NRXN3: variants seen among roughly 807,000 people sequenced by gnomAD.
NRXN3 encodes neurexin 3, also known as neurexin III.
Under a neutral mutation model 137.6 loss-of-function variants are expected in NRXN3, and 32 were observed. The observed-to-expected ratio is 0.23, with a 90% confidence interval of 0.18 to 0.31. The LOEUF is 0.31. Ranked by LOEUF, NRXN3 falls within the 10% of genes least tolerant of loss-of-function variation. The pLI, the probability that NRXN3 is intolerant of heterozygous loss-of-function variation, is 1.00. For missense variants in NRXN3, 1,574 were observed against 2,062.5 expected, an observed-to-expected ratio of 0.76 and a Z score of 4.59; for synonymous variants, 798 against 784.5, an observed-to-expected ratio of 1.02 and a Z score of -0.29.
intron 4 of NRXN3, among the ~76,000 whole-genome samples, chr14:78,350,026 G>A (rs557014147): frequency 1.3e-5 from 2 of 152,092 alleles, no homozygotes; most frequent in Admixed American, 6.5e-5. Context: ...GGTGGCTCAC[G>A]CCTGTAATCC....
At chr14:78,770,856 G>C (rs570710765) in intron 8 of NRXN3, among the ~76,000 whole-genome samples, 1 of 152,054 alleles carries the variant, frequency 6.6e-6, no homozygotes, top group African/African-American at 2.4e-5. Context: ...GGGTTGGGGG[G>C]GGTACAGCTA....
chr14:78,904,234 A>G (rs1404157822), intron 10 of NRXN3, among the ~76,000 whole-genome samples: 1 of 152,036 alleles, frequency 6.6e-6, no homozygotes, highest in Non-Finnish European at 1.5e-5. Context: ...ATTTGGTAAT[A>G]TCAGAAGACA....
In NRXN3 at chr14:79,123,294, A is replaced by G. The variant is rs540914606; in HGVS notation, c.3262+135153A>G. 1.1e-3 allele frequency among the ~76,000 whole-genome samples: 162 copies of G among 152,260 alleles called. 2 individuals are homozygous for G. The highest frequency in any genetic ancestry group is 3.7e-3 in the African/African-American group (155 of 41,582). ...GAAGGAAGAGCCCCCCACTCTGTCC[A>G]TTATTCAACTCAATGTTTACTGTCA... On this transcript the variant is annotated intron_variant, in intron 15 of 20. Transcript: ENST00000335750.
chr14:79,353,521 A>G (rs1017329246), intron 15 of NRXN3, among the ~76,000 whole-genome samples: 4 of 152,118 alleles, frequency 2.6e-5, no homozygotes, highest in Admixed American at 6.6e-5. Context: ...AAGAAGCTGC[A>G]TCATGTATCA....
At chr14:78,807,123 G>A (rs1211261042) in intron 9 of NRXN3, among the ~76,000 whole-genome samples, 1 of 152,104 alleles carries the variant, frequency 6.6e-6, no homozygotes, top group Non-Finnish European at 1.5e-5. Flanking sequence ...TTTTATGATG[G>A]TCACCTTTGA....
At chr14:78,554,207 T>C (rs2152220206) in intron 4 of NRXN3, among the ~76,000 whole-genome samples, 1 of 152,306 alleles carries the variant, frequency 6.6e-6, no homozygotes. Flanking sequence ...GGAGGATGAC[T>C]GAGGTGAGCA....
At chr14:79,011,083 A>G (rs867347543) in intron 15 of NRXN3, among the ~76,000 whole-genome samples, 36 of 151,222 alleles carry the variant, frequency 2.4e-4, no homozygotes, top group African/African-American at 8.1e-4. Flanking sequence ...CGCAACCCAC[A>G]CGTCTCTATT....
chr14:78,784,983 C>G (rs1181371988), intron 8 of NRXN3, among the ~76,000 whole-genome samples: 1 of 152,080 alleles, frequency 6.6e-6, no homozygotes, highest in Non-Finnish European at 1.5e-5. Flanking sequence ...ACCAGGGGCT[C>G]AGATCATATG....
chr14:78,446,046 T>C (rs954633430), intron 4 of NRXN3, among the ~76,000 whole-genome samples: 2 of 152,190 alleles, frequency 1.3e-5, no homozygotes, highest in African/African-American at 4.8e-5. Flanking sequence ...ATTGCTGGCC[T>C]ATGGCAAGGC....
intron 15 of NRXN3, among the ~76,000 whole-genome samples, chr14:79,210,853 T>G (rs760099274): frequency 6.6e-6 from 1 of 152,166 alleles, no homozygotes; most frequent in Non-Finnish European, 1.5e-5. Context: ...GATTGTGCTA[T>G]TCTTCAGTGG....
At chr14:79,544,705 C>A (rs2097303250) in intron 16 of NRXN3, among the ~76,000 whole-genome samples, 1 of 152,184 alleles carries the variant, frequency 6.6e-6, no homozygotes, top group South Asian at 2.1e-4. Flanking sequence ...GAGCCTAGAT[C>A]ACTCTCCCAA....
chr14:78,565,229 A>T (rs979940422), intron 4 of NRXN3, among the ~76,000 whole-genome samples: 1 of 152,270 alleles, frequency 6.6e-6, no homozygotes, highest in Non-Finnish European at 1.5e-5. Flanking sequence ...TTTGGTGCCA[A>T]TCTATTCAAT....
chr14:79,315,828 A>G (rs978128259), intron 15 of NRXN3, among the ~76,000 whole-genome samples: 3 of 152,232 alleles, frequency 2.0e-5, no homozygotes, highest in African/African-American at 4.8e-5. Flanking sequence ...TTAGAAAACA[A>G]TCTATTTAAT....
chr14:79,109,567 G>T (rs2053100398), intron 15 of NRXN3, among the ~76,000 whole-genome samples: 3 of 152,088 alleles, frequency 2.0e-5, no homozygotes, highest in African/African-American at 7.2e-5. Flanking sequence ...GGCTTGTGGG[G>T]ATTTGGCAAC....
At position 78,418,384 on chromosome 14, in the gene NRXN3, C is replaced by T. The variant is rs187685929; in HGVS notation, c.757+120524C>T. Among the ~76,000 whole-genome samples the T allele has an allele frequency of 5.1e-3, 776 of 152,156 alleles. 4 individuals carry two copies. The highest frequency in any genetic ancestry group is 7.1e-3 in the Non-Finnish European group (484 of 68,000). On this transcript the variant is annotated intron_variant, in intron 4 of 20. Coordinates refer to ENST00000335750, the MANE Select transcript of NRXN3 (RefSeq NM_001330195.2). ...CTTTGGTACTCTATTTCTCATTTTG[C>T]CCTTAGAAATAAGGAATCTTGGAGT...
chr14:78,375,264 T>G (rs1045167059), intron 4 of NRXN3, among the ~76,000 whole-genome samples: 5 of 152,214 alleles, frequency 3.3e-5, no homozygotes, highest in Admixed American at 3.3e-4. Context: ...AAACTTTGCC[T>G]CTTTGCAAAT....
intron 19 of NRXN3, among the ~76,000 whole-genome samples, chr14:79,739,780 C>CATAGGGGCAA (rs2098954645): frequency 6.6e-6 from 1 of 150,720 alleles, no homozygotes; most frequent in African/African-American, 2.4e-5. Flanking sequence ...AGGGCATTCT[C>CATAGGGGCAA]ATAGGGGCAA....
At chr14:79,011,330 T>C (rs932446565) in intron 15 of NRXN3, among the ~76,000 whole-genome samples, 1 of 149,156 alleles carries the variant, frequency 6.7e-6, no homozygotes, top group Non-Finnish European at 1.5e-5. Flanking sequence ...GGCGCTTTGG[T>C]CTCACAGGTT....
At chr14:79,335,610 A>T (rs112205728) in intron 15 of NRXN3, among the ~76,000 whole-genome samples, 53 of 152,248 alleles carry the variant, frequency 3.5e-4, no homozygotes, top group African/African-American at 1.2e-3. Flanking sequence ...AGGGTAAAGG[A>T]ATTGTAATTC....
Sources: allele counts gnomAD v4.1 joint callset (sites outside exome capture counted in the v4.1 genomes callset), GRCh38; gene constraint gnomAD v4.1.1; transcripts MANE v1.5; gene names NCBI Gene and HGNC (gene_info 2026-07-23, HGNC 2026-07-21).